The following RNPEP variants were observed in gnomAD, a reference collection of about 807,000 sequenced individuals.
RNPEP encodes aminopeptidase B.
A neutral mutation model predicts 70.1 loss-of-function variants in RNPEP; 57 were observed. The ratio of observed to expected loss-of-function variants is 0.81; its 90% confidence interval spans 0.66 to 1.01. The LOEUF (loss-of-function observed/expected upper bound fraction) is 1.01, where lower values mean the gene tolerates loss of function less well. RNPEP is among the 50% of genes least tolerant of loss of function. RNPEP has a pLI of 0.00. For synonymous variants in RNPEP, 335 were observed against 357.4 expected (o/e 0.94, Z 0.71); for missense variants, 787 against 852.4 (o/e 0.92, Z 0.96).
At chr1:201,984,821 C>CTTTTTTTTTTTTTTTTTTTTTTTTTTT (rs200795347) in intron 1 of RNPEP, among the ~76,000 whole-genome samples, 3 of 121,998 alleles carry the variant, frequency 2.5e-5, no homozygotes, top group Non-Finnish European at 3.4e-5. Flanking sequence ...GTATTTCTTT[C>CTTTTTTTTTTTTTTTTTTTTTTTTTTT]TTTTTTTTTT....
At chr1:202,004,099 C>T (rs111566679) in intron 9 of RNPEP, among the ~76,000 whole-genome samples, 1 of 152,160 alleles carries the variant, frequency 6.6e-6, no homozygotes, top group African/African-American at 2.4e-5. Flanking sequence ...CTCACAGCAA[C>T]CTCCACCTTC....
At chr1:201,987,022 A>C (rs752178448) in intron 1 of RNPEP, among the ~76,000 whole-genome samples, 4 of 152,140 alleles carry the variant, frequency 2.6e-5, no homozygotes, top group Non-Finnish European at 1.5e-5. Flanking sequence ...AATTTTTCAC[A>C]CACAAAAACT....
At chr1:201,994,820 C>A (rs1317568024) in intron 3 of RNPEP, among the ~76,000 whole-genome samples, 1 of 148,586 alleles carries the variant, frequency 6.7e-6, no homozygotes, top group African/African-American at 2.5e-5. Context: ...GCATACACTA[C>A]CATGTCCTGC....
intron 9 of RNPEP, 62 bp downstream of exon 9, chr1:202,003,523 GA>G: frequency 8.2e-7 from 1 of 1,225,448 alleles, no homozygotes; most frequent in Non-Finnish European, 1.2e-6. Context: ...GGGCTAGAGG[GA>G]GGCTCACAAA....
In RNPEP at chr1:202,003,479, A is replaced by G; in HGVS notation, c.1651+18A>G. On this transcript the variant is annotated intron_variant, in intron 9 of 10. Transcript: ENST00000295640. ...CCCTCCTGGTAAGAAAAAATGGTGA[A>G]CCAGGGCTCCTTGTGTGCACAGCTT... The G allele has an allele frequency of 6.4e-7, 1 of 1,558,364 alleles. No individual in the cohort carries two copies. The highest frequency in any genetic ancestry group is 8.8e-7 in the Non-Finnish European group (1 of 1,131,924).
chr1:201,983,151 T>G, intron 1 of RNPEP, 38 bp downstream of exon 1: 1 of 1,434,504 alleles, frequency 7.0e-7, no homozygotes, highest in South Asian at 1.5e-5. Flanking sequence ...GCTGCCTGCC[T>G]GCCCTTCCGG....
At chr1:201,998,587 C>T (rs1477275533) in intron 5 of RNPEP, among the ~76,000 whole-genome samples, 1 of 152,138 alleles carries the variant, frequency 6.6e-6, no homozygotes, top group African/African-American at 2.4e-5. Flanking sequence ...TACATATTGT[C>T]CATTATCTTC....
rs1285156806 is a variant in RNPEP, at chr1:202,006,015, AG to A, written c.*301del. 1.8e-4 allele frequency: 62 copies of A among 350,844 alleles called. No homozygotes were observed. The highest frequency in any genetic ancestry group is 1.2e-4 in the Admixed American group (3 of 24,258). 21.7% of individuals were successfully genotyped at this position (350,844 alleles called of 1,614,324 possible). A position where few individuals can be genotyped will look rare whatever the true frequency, so the allele number is the denominator to read the frequency against. On this transcript the variant is annotated 3_prime_UTR_variant, in exon 11 of 11. Transcript: ENST00000295640. Reference sequence around the variant, plus strand: ...CCTAAGTCTCTGGGAAGAAGTGGAGAGGACTGATGCTCTTCTTTTTTCTCTT... The same window carrying A: ...CCTAAGTCTCTGGGAAGAAGTGGAGAGACTGATGCTCTTCTTTTTTCTCTT...
chr1:201,987,598 C>T (rs1031383673), intron 1 of RNPEP, among the ~76,000 whole-genome samples: 15 of 151,608 alleles, frequency 9.9e-5, no homozygotes, highest in Admixed American at 2.0e-4. Context: ...CCATCACACC[C>T]GGCTAATTTT....
Position 201,994,833 on chromosome 1 carries a change from A to ATTT in RNPEP, c.738-1290_738-1288dup, listed in dbSNP as rs34077790. Among the ~76,000 whole-genome samples, 846 of 85,200 alleles carry ATTT rather than the reference A, an allele frequency of 9.9e-3. 51 individuals are homozygous for ATTT. The highest frequency in any genetic ancestry group is 0.036 in the African/African-American group (768 of 21,430). 55.9% of individuals were successfully genotyped at this position (85,200 alleles called of 152,430 possible). ...AGGCATACACTACCATGTCCTGCTA[A>ATTT]TTTTTTTTTTTTTTTTTTTTTTTTT... On this transcript the variant is annotated intron_variant, in intron 3 of 10. Transcript: ENST00000295640.
chr1:201,982,679 G>C lies in RNPEP; in HGVS notation c.13G>C (p.Glu5Gln), dbSNP rs1187773343. The C allele has an allele frequency of 1.4e-6, 2 of 1,381,898 alleles. No individual in the cohort carries two copies. Among genetic ancestry groups the C allele is most frequent in the East Asian group, 6.3e-5 (2 of 31,826 alleles). 85.6% of individuals were successfully genotyped at this position (1,381,898 alleles called of 1,614,324 possible). Residue 5 changes from glutamate (E) to glutamine (Q), a missense_variant, in exon 1 of 11, where the codon GAG becomes CAG. By Grantham distance (29) the Glu-to-Gln change is conservative. Coordinates refer to ENST00000295640, the MANE Select transcript of RNPEP (RefSeq NM_020216.4). MASG[E>Q]HSPGSGAARR... Reference sequence around the variant, plus strand: ...CGGCTCTGCGGCCATGGCGAGCGGCGAGCATTCCCCCGGCAGCGGCGCGGC... The same window carrying C: ...CGGCTCTGCGGCCATGGCGAGCGGCCAGCATTCCCCCGGCAGCGGCGCGGC...
intron 10 of RNPEP, 77 bp downstream of exon 10, chr1:202,004,573 A>G: frequency 6.4e-7 from 1 of 1,556,028 alleles, no homozygotes; most frequent in South Asian, 1.2e-5. Flanking sequence ...TCATGTGGGC[A>G]GGGCTCATCT....
At position 202,003,465 on chromosome 1, in the gene RNPEP, A is replaced by G. The variant is rs1324759774; in HGVS notation, c.1651+4A>G. ...CAGAAATCCCCTCTCCCTCCTGGTA[A>G]GAAAAAATGGTGAACCAGGGCTCCT... On this transcript the variant is annotated splice_donor_region_variant and intron_variant, in intron 9 of 10. Transcript: ENST00000295640. 3.7e-6 allele frequency: 6 copies of G among 1,602,530 alleles called. No individual in the cohort carries two copies. In the African/African-American group the frequency reaches 5.4e-5, roughly 14 times the overall value.
intron 1 of RNPEP, among the ~76,000 whole-genome samples, chr1:201,987,118 G>C (rs903874023): frequency 6.6e-6 from 1 of 151,986 alleles, no homozygotes; most frequent in Non-Finnish European, 1.5e-5. Context: ...CATTAGACTT[G>C]CCCAGGCCTG....
chr1:201,998,860 C>T (rs116296861), intron 5 of RNPEP, among the ~76,000 whole-genome samples: 2 of 152,086 alleles, frequency 1.3e-5, no homozygotes, highest in Admixed American at 1.3e-4. Context: ...CAGAAGGAGA[C>T]TTAGAGATCC....
At chr1:202,002,734 C>T (rs13375435) in intron 8 of RNPEP, among the ~76,000 whole-genome samples, 41,408 of 152,092 alleles carry the variant, frequency 0.27, 6,092 homozygotes, top group South Asian at 0.51. Context: ...ATGCATCAGG[C>T]GATACGCTAA....
At chr1:201,983,824 G>C (rs1229844548) in intron 1 of RNPEP, 1 of 1,050,616 alleles carries the variant, frequency 9.5e-7, no homozygotes, top group Non-Finnish European at 1.2e-6. Flanking sequence ...GCTTATGTCT[G>C]TAAGAGTCAG....
intron 3 of RNPEP, among the ~76,000 whole-genome samples, chr1:201,994,329 GC>G (rs368646683): frequency 8.5e-5 from 13 of 152,224 alleles, no homozygotes; most frequent in Admixed American, 3.9e-4. Context: ...TCACTTGTTG[GC>G]TTAAAATGCT....
At chr1:201,994,743 C>G (rs1040764315) in intron 3 of RNPEP, among the ~76,000 whole-genome samples, 8 of 151,432 alleles carry the variant, frequency 5.3e-5, no homozygotes, top group Admixed American at 4.0e-4. Context: ...CTTGGCTCCC[C>G]GCAACCTCTG....
Sources: gnomAD v4.1 joint callset for allele counts (sites outside exome capture counted in the v4.1 genomes callset) on GRCh38, gnomAD v4.1.1 for gene constraint, MANE v1.5 for transcripts, NCBI Gene and HGNC (gene_info 2026-07-23, HGNC 2026-07-21) for gene names.